NCAM1: variants seen among roughly 807,000 people sequenced by gnomAD.
NCAM1 encodes neural cell adhesion molecule 1.
A neutral mutation model predicts 109.8 loss-of-function variants in NCAM1; 14 were observed. That is an observed-to-expected ratio of 0.13 (90% CI 0.08 to 0.20). NCAM1 has a LOEUF of 0.20. Ranked by LOEUF, NCAM1 falls within the 10% of genes least tolerant of loss-of-function variation. The probability of loss-of-function intolerance (pLI) is 1.00; values close to 1 mark genes in which losing one functional copy is unlikely to be tolerated. For synonymous variants in NCAM1, 418 were observed against 442.9 expected, an observed-to-expected ratio of 0.94 and a Z score of 0.70; for missense variants, 774 against 1,109.9, an observed-to-expected ratio of 0.70 and a Z score of 4.30.
chr11:113,063,720 T>C (rs1555083778), intron 1 of NCAM1, among the ~76,000 whole-genome samples: 1 of 143,906 alleles, frequency 6.9e-6, no homozygotes, highest in East Asian at 1.9e-4. Flanking sequence ...TTGTCTATGC[T>C]AAGAACATAT....
At chr11:113,075,066 G>T (rs921733816) in intron 1 of NCAM1, among the ~76,000 whole-genome samples, 2 of 151,994 alleles carry the variant, frequency 1.3e-5, no homozygotes, top group Admixed American at 6.6e-5. Flanking sequence ...TGTTGTTGTT[G>T]TTGTTTGTTT....
At chr11:112,972,543 C>T (rs1258817551) in intron 1 of NCAM1, among the ~76,000 whole-genome samples, 7 of 152,098 alleles carry the variant, frequency 4.6e-5, no homozygotes, top group Non-Finnish European at 2.9e-5. Flanking sequence ...TAATCCCAAT[C>T]TTGTTAAAAA....
At chr11:113,110,679 A>G (rs1388154646) in intron 1 of NCAM1, among the ~76,000 whole-genome samples, 1 of 152,238 alleles carries the variant, frequency 6.6e-6, no homozygotes, top group African/African-American at 2.4e-5. Context: ...AATCATAACA[A>G]AACACTAAGA....
intron 1 of NCAM1, among the ~76,000 whole-genome samples, chr11:113,012,263 C>T (rs1184938761): frequency 6.6e-6 from 1 of 152,100 alleles, no homozygotes; most frequent in African/African-American, 2.4e-5. Context: ...AAGTGATCTG[C>T]CTGCCTTGGC....
intron 17 of NCAM1, chr11:113,265,265 G>A (rs765015504): frequency 6.4e-5 from 39 of 609,196 alleles, no homozygotes; most frequent in Middle Eastern, 8.3e-4. Context: ...CTTTCCCTCC[G>A]CCTCTCATGT....
chr11:113,269,943 G>A, intron 17 of NCAM1: 1 of 561,492 alleles, frequency 1.8e-6, no homozygotes, highest in Non-Finnish European at 3.2e-6. Flanking sequence ...GAGGCCAGCT[G>A]ACCAGGCTCA....
At chr11:113,246,983 G>A (rs1327219854) in intron 15 of NCAM1, among the ~76,000 whole-genome samples, 3 of 152,200 alleles carry the variant, frequency 2.0e-5, no homozygotes, top group Non-Finnish European at 4.4e-5. Context: ...CCCTCCCCCA[G>A]GGAGGGGGAG....
Position 113,199,829 on chromosome 11 carries a change from T to TGGAAA in NCAM1, c.53-2550_53-2549insGGAAA, listed in dbSNP as rs60389510. Among the ~76,000 whole-genome samples the TGGAAA allele has an allele frequency of 1.2e-3, 141 of 115,780 alleles. 2 individuals are homozygous for TGGAAA. The highest frequency in any genetic ancestry group is 4.5e-3 in the African/African-American group (133 of 29,354). The allele number at this position is 115,780 out of a possible 152,430, so 76.0% of individuals were successfully genotyped here. ...GCAAATAAAGTAAAAGAAACACCCT[T>TGGAAA]AAAAAAAAAAAAAAAAAAAACTTCT... On this transcript the variant is annotated intron_variant, in intron 1 of 19. Transcript: ENST00000316851.
At chr11:113,178,031 A>C (rs1330803846) in intron 1 of NCAM1, among the ~76,000 whole-genome samples, 1 of 152,220 alleles carries the variant, frequency 6.6e-6, no homozygotes, top group Non-Finnish European at 1.5e-5. Flanking sequence ...GCTCTAAAAA[A>C]AACTTCCTTA....
At position 113,260,301 on chromosome 11, in the gene NCAM1, G is replaced by C. The variant is rs782023264; in HGVS notation, c.2109G>C (p.Ser703=). The C allele has an allele frequency of 3.1e-6, 5 of 1,612,950 alleles. No individual in the cohort carries two copies. Among genetic ancestry groups the C allele is most frequent in the South Asian group, 2.2e-5 (2 of 90,850 alleles). The change falls in exon 17 of 20, where the codon TCG becomes TCC. Residue 703 remains serine (S), a synonymous_variant. Coordinates refer to ENST00000316851, the MANE Select transcript of NCAM1 (RefSeq NM_181351.5). The stretch of plus-strand genomic sequence containing the variant: ...CGGCTCATTTTGTGTTCAGGACCTC[G>C]GCCCAGCCCACAGCCATCCCAGGTA... ...SKAAHFVFRT[S]AQPTAIPANG...
intron 13 of NCAM1, among the ~76,000 whole-genome samples, chr11:113,234,174 T>C (rs1945093818): frequency 6.6e-6 from 1 of 151,382 alleles, no homozygotes; most frequent in Non-Finnish European, 1.5e-5. Flanking sequence ...AAGAAAGCAA[T>C]CACTTTGCCT....
chr11:113,234,090 T>G (rs1945091061), intron 13 of NCAM1, among the ~76,000 whole-genome samples: 1 of 151,878 alleles, frequency 6.6e-6, no homozygotes, highest in East Asian at 1.9e-4. Context: ...CCAGAAAGTT[T>G]CCATCACTTC....
intron 1 of NCAM1, among the ~76,000 whole-genome samples, chr11:113,105,455 G>A (rs559369155): frequency 5.1e-4 from 78 of 152,190 alleles, no homozygotes; most frequent in Non-Finnish European, 7.6e-4. Context: ...AAGCAAAAAC[G>A]TGTACACAAA....
At chr11:113,034,485 C>T (rs1027420876) in intron 1 of NCAM1, among the ~76,000 whole-genome samples, 12 of 152,086 alleles carry the variant, frequency 7.9e-5, no homozygotes, top group Admixed American at 7.2e-4. Flanking sequence ...AGCCATATTC[C>T]AGAAGGAAGA....
intron 1 of NCAM1, among the ~76,000 whole-genome samples, chr11:112,990,357 G>T (rs1555070391): frequency 1.3e-5 from 2 of 152,156 alleles, no homozygotes; most frequent in Non-Finnish European, 2.9e-5. Flanking sequence ...CCACAGCTGG[G>T]ACTAAGCTCA....
intron 1 of NCAM1, among the ~76,000 whole-genome samples, chr11:113,081,802 G>A (rs370388423): frequency 6.6e-6 from 1 of 152,148 alleles, no homozygotes; most frequent in African/African-American, 2.4e-5. Context: ...CCAGAGTGTT[G>A]GGACTACAGG....
chr11:113,004,428 G>T (rs1373603259), intron 1 of NCAM1, among the ~76,000 whole-genome samples: 4 of 151,974 alleles, frequency 2.6e-5, no homozygotes, highest in Non-Finnish European at 5.9e-5. Flanking sequence ...GGAGGCGGAG[G>T]TTGCAGTGAG....
In NCAM1 at chr11:113,273,978, T is replaced by G. The variant is rs1946353139; in HGVS notation, c.2457-1289T>G. 6.3e-6 allele frequency: 1 copy of G among 159,534 alleles called. No homozygotes were observed. 9.9% of individuals were successfully genotyped at this position (159,534 alleles called of 1,614,324 possible). A position where few individuals can be genotyped will look rare whatever the true frequency, so the allele number is the denominator to read the frequency against. On this transcript the variant is annotated intron_variant, in intron 19 of 19. Coordinates refer to ENST00000316851, the MANE Select transcript of NCAM1 (RefSeq NM_181351.5). The surrounding 1 kb of genome is among the most constrained non-coding windows in gnomAD (Gnocchi z 6.0). ...CCATGTTAATTATGTTTTATCCTTA[T>G]CATCCTAGCAGCGGCTTCTGTTTTC... is the stretch of plus-strand genomic sequence containing the variant.
chr11:113,171,583 G>A (rs985176433), intron 1 of NCAM1, among the ~76,000 whole-genome samples: 8 of 152,028 alleles, frequency 5.3e-5, no homozygotes, highest in African/African-American at 9.7e-5. Context: ...GTGGTGAGCC[G>A]AGATCATGCC....
Sources: gnomAD v4.1 joint callset for allele counts (sites outside exome capture counted in the v4.1 genomes callset) on GRCh38, gnomAD v4.1.1 for gene constraint, Gnocchi (gnomAD v3.1) non-coding constraint, MANE v1.5 for transcripts, NCBI Gene and HGNC (gene_info 2026-07-23, HGNC 2026-07-21) for gene names.